Variants in OTUD5 observed in about 807,000 individuals in gnomAD.
The protein encoded by OTUD5 is OTU deubiquitinase 5, also known as OTU domain-containing protein 5.
OTUD5 carries 2 observed loss-of-function variants against 36.3 expected under a neutral mutation model. The ratio of observed to expected loss-of-function variants is 0.06; its 90% CI spans 0.02 to 0.17. The LOEUF is 0.17. OTUD5 is among the 10% of genes least tolerant of loss of function. OTUD5 has a pLI of 1.00. For synonymous variants in OTUD5, 234 were observed against 214.9 expected (o/e 1.09, Z -0.78); for missense variants, 233 against 512.3 (o/e 0.45, Z 5.26).
At chrX:48,949,047 C>T (rs1384686314) in intron 1 of OTUD5, among the ~76,000 whole-genome samples, 14 of 111,503 alleles carry the variant, frequency 1.3e-4, no homozygotes, top group African/African-American at 4.6e-4. Flanking sequence ...CACAGTTTTC[C>T]AATCTGTGAA....
intron 1 of OTUD5, among the ~76,000 whole-genome samples, chrX:48,950,459 A>G (rs1557053541): frequency 9.1e-6 from 1 of 110,200 alleles, no homozygotes; most frequent in Non-Finnish European, 1.9e-5. Context: ...GGCCCTGCCA[A>G]CACTTTGATT....
intron 1 of OTUD5, among the ~76,000 whole-genome samples, chrX:48,949,472 G>A (rs1178608158): frequency 9.0e-6 from 1 of 111,325 alleles, no homozygotes; most frequent in African/African-American, 3.3e-5. Flanking sequence ...GAGGTCAGGA[G>A]TTCGAGACCA....
chrX:48,942,338 G>A (rs970144002), intron 2 of OTUD5, among the ~76,000 whole-genome samples: 53 of 57,322 alleles, frequency 9.2e-4, no homozygotes, highest in Non-Finnish European at 1.4e-3. Flanking sequence ...ACACACACAC[G>A]GCTCTTGATA....
intron 2 of OTUD5, among the ~76,000 whole-genome samples, chrX:48,938,734 C>A (rs2063870810): frequency 9.0e-6 from 1 of 111,190 alleles, no homozygotes; most frequent in Non-Finnish European, 1.9e-5. Flanking sequence ...ACTTTCCTAG[C>A]TCCACCTCTG....
At chrX:48,939,481 C>T (rs1176150869) in intron 2 of OTUD5, among the ~76,000 whole-genome samples, 1 of 111,809 alleles carries the variant, frequency 8.9e-6, no homozygotes, top group African/African-American at 3.3e-5. Context: ...CATGTGTATA[C>T]ACATACAGCA....
chrX:48,929,589 T>C (rs1199382259), intron 5 of OTUD5, among the ~76,000 whole-genome samples: 1 of 104,496 alleles, frequency 9.6e-6, no homozygotes, highest in Non-Finnish European at 2.0e-5. Context: ...GGTGTGGTAG[T>C]GCATGCCTGT....
At chrX:48,954,024 G>A (rs1158133504) in intron 1 of OTUD5, among the ~76,000 whole-genome samples, 1 of 111,752 alleles carries the variant, frequency 8.9e-6, no homozygotes, top group Non-Finnish European at 1.9e-5. Context: ...GAGGCAGGGA[G>A]AAGAGGATCA....
intron 5 of OTUD5, among the ~76,000 whole-genome samples, chrX:48,929,095 A>G (rs1332125296): frequency 1.8e-5 from 2 of 111,740 alleles, no homozygotes; most frequent in Non-Finnish European, 3.8e-5. Flanking sequence ...TATTTAAAAA[A>G]AAATTAGGAA....
intron 1 of OTUD5, among the ~76,000 whole-genome samples, chrX:48,945,036 A>G (rs1472067746): frequency 1.8e-5 from 2 of 109,526 alleles, no homozygotes; most frequent in East Asian, 5.7e-4. Flanking sequence ...AAAAAAAAAA[A>G]AGAGATATAC....
chrX:48,954,410 T>A (rs1175859445), intron 1 of OTUD5, among the ~76,000 whole-genome samples: 1 of 110,877 alleles, frequency 9.0e-6, no homozygotes, highest in African/African-American at 3.3e-5. Flanking sequence ...TAAGGAGGTG[T>A]TTTTGAATTA....
rs1036268824 is a variant in OTUD5 at position 48,949,919 on chromosome X, C to T, written c.595-5636G>A. On this transcript the variant is annotated intron_variant, in intron 1 of 8. Transcript: ENST00000376488. ...ATCCCAGCACTTTGGGAGGCCGAGG[C>T]GGGTGGATCAACTAAGGTCAGGAGT... 4.5e-5 allele frequency among the ~76,000 whole-genome samples: 5 copies of T among 110,220 alleles called. No homozygotes were observed. The South Asian group carries it at 1.2e-3, about 26-fold the overall frequency.
intron 2 of OTUD5, among the ~76,000 whole-genome samples, chrX:48,942,910 T>C (rs1001694185): frequency 1.8e-5 from 2 of 110,734 alleles, no homozygotes; most frequent in Non-Finnish European, 3.8e-5. Context: ...AAAGAAGAGC[T>C]GCTTGCCTAA....
At chrX:48,926,427 T>G (rs897970663) in intron 5 of OTUD5, among the ~76,000 whole-genome samples, 2 of 109,608 alleles carry the variant, frequency 1.8e-5, no homozygotes, top group Non-Finnish European at 3.8e-5. Flanking sequence ...CTCGGCTCAC[T>G]GCAACCTCCG....
chrX:48,942,299 TACACACACAC>T (rs61325018), intron 2 of OTUD5, among the ~76,000 whole-genome samples: 18 of 55,013 alleles, frequency 3.3e-4, no homozygotes, highest in East Asian at 2.0e-3. Flanking sequence ...GCTAGCTAGA[TACACACACAC>T]ACACACACAC....
chrX:48,927,856 G>A (rs1183418111), intron 5 of OTUD5, among the ~76,000 whole-genome samples: 1 of 111,876 alleles, frequency 8.9e-6, no homozygotes. Context: ...CAGGTCACCA[G>A]CCCCCATCCT....
At chrX:48,938,665 G>A in intron 2 of OTUD5, among the ~76,000 whole-genome samples, 1 of 108,839 alleles carries the variant, frequency 9.2e-6, no homozygotes, top group Non-Finnish European at 1.9e-5. Flanking sequence ...CTGCACTACA[G>A]CCTAGGCAAC....
intron 1 of OTUD5, among the ~76,000 whole-genome samples, chrX:48,953,616 C>G (rs1300035901): frequency 9.0e-6 from 1 of 111,124 alleles, no homozygotes. Flanking sequence ...CCAGCTTTTT[C>G]CACCACCTCA....
intron 5 of OTUD5, among the ~76,000 whole-genome samples, chrX:48,929,920 G>A (rs2063726299): frequency 9.1e-6 from 1 of 109,766 alleles, no homozygotes; most frequent in South Asian, 3.9e-4. Flanking sequence ...TGGCTAAGAC[G>A]GTGAAACCCC....
upstream of OTUD5, chrX:48,957,929 T>C (rs2064286526): frequency 1.8e-6 from 1 of 543,980 alleles, no homozygotes; most frequent in Non-Finnish European, 2.2e-6. Flanking sequence ...CTCCGCCCCC[T>C]CGCAGGTTCT....
Sources: gnomAD v4.1 joint callset for allele counts (sites outside exome capture counted in the v4.1 genomes callset) on GRCh38, gnomAD v4.1.1 for gene constraint, MANE v1.5 for transcripts, NCBI Gene and HGNC (gene_info 2026-07-23, HGNC 2026-07-21) for gene names.